Variants in IPO11 observed in about 807,000 individuals in gnomAD.
IPO11 encodes importin-11.
Under a neutral mutation model 143.2 loss-of-function variants are expected in IPO11, and 66 were observed. That is an observed-to-expected ratio of 0.46 (90% CI 0.38 to 0.57). IPO11 has a LOEUF of 0.57. Among genes scored for constraint, IPO11 ranks in the 20% least tolerant of loss-of-function variants. The pLI is 0.00. For synonymous variants in IPO11, 385 were observed against 377.8 expected, an observed-to-expected ratio of 1.02 and a Z score of -0.22; for missense variants, 1,026 against 1,141.0, an observed-to-expected ratio of 0.90 and a Z score of 1.45.
chr5:62,533,492 G>A (rs542746219), intron 22 of IPO11, among the ~76,000 whole-genome samples: 4 of 152,058 alleles, frequency 2.6e-5, no homozygotes, highest in East Asian at 1.9e-4. Flanking sequence ...GATTACAGGC[G>A]TGAGCCACCA....
intron 19 of IPO11, among the ~76,000 whole-genome samples, chr5:62,511,778 T>C (rs1741756229): frequency 6.7e-6 from 1 of 149,422 alleles, no homozygotes; most frequent in Non-Finnish European, 1.5e-5. Flanking sequence ...TTTTAGATTA[T>C]AAAAACTTCC....
At chr5:62,438,748 A>G (rs1378801186) in intron 2 of IPO11, among the ~76,000 whole-genome samples, 3 of 146,480 alleles carry the variant, frequency 2.0e-5, no homozygotes, top group Non-Finnish European at 4.5e-5. Flanking sequence ...ACGAAACTCC[A>G]TCTCAAAAAA....
At chr5:62,444,061 A>T (rs1232011224) in intron 3 of IPO11, among the ~76,000 whole-genome samples, 1 of 151,682 alleles carries the variant, frequency 6.6e-6, no homozygotes, top group Non-Finnish European at 1.5e-5. Context: ...TGCACTTGGG[A>T]TACTATATTA....
chr5:62,489,171 A>G, intron 13 of IPO11, 131 bp from the exon 14 acceptor site: 1 of 480,548 alleles, frequency 2.1e-6, no homozygotes. Flanking sequence ...ACTTGTGTCC[A>G]TTTTTGACAC....
intron 26 of IPO11, among the ~76,000 whole-genome samples, chr5:62,554,921 G>T (rs1413345735): frequency 6.6e-6 from 1 of 152,114 alleles, no homozygotes; most frequent in Non-Finnish European, 1.5e-5. Context: ...CACCATTTTG[G>T]CCAGGCTGGT....
intron 24 of IPO11, 31 bp from the exon 25 acceptor site, chr5:62,550,336 A>T: frequency 6.7e-7 from 1 of 1,487,602 alleles, no homozygotes. Flanking sequence ...GACTTGCAGT[A>T]TTATCACCAA....
At chr5:62,424,383 C>T (rs1358706733) in intron 1 of IPO11, among the ~76,000 whole-genome samples, 1 of 152,050 alleles carries the variant, frequency 6.6e-6, no homozygotes, top group Middle Eastern at 3.4e-3. Context: ...TCGTGATCCG[C>T]CCGCCGGGGC....
At chr5:62,468,957 A>G (rs1404253958) in intron 6 of IPO11, among the ~76,000 whole-genome samples, 2 of 152,230 alleles carry the variant, frequency 1.3e-5, no homozygotes, top group Non-Finnish European at 2.9e-5. Context: ...TCATTATTTC[A>G]TTCGACAAAT....
intron 2 of IPO11, 50 bp from the exon 3 acceptor site, chr5:62,442,933 A>G (rs768857057): frequency 7.8e-6 from 8 of 1,024,202 alleles, no homozygotes; most frequent in South Asian, 7.3e-5. Flanking sequence ...CATTAATTAT[A>G]CTTTTTACTT....
intron 21 of IPO11, among the ~76,000 whole-genome samples, chr5:62,529,842 G>A (rs1345710114): frequency 1.3e-5 from 2 of 152,082 alleles, no homozygotes; most frequent in African/African-American, 4.8e-5. Flanking sequence ...TGAACAGATA[G>A]ACCAATCACA....
intron 29 of IPO11, among the ~76,000 whole-genome samples, chr5:62,614,039 T>A (rs1023605945): frequency 1.3e-5 from 2 of 152,238 alleles, no homozygotes; most frequent in Non-Finnish European, 2.9e-5. Flanking sequence ...TGGTGCAGTT[T>A]TATCTTTATT....
chr5:62,542,069 T>TTTTTTTTA (rs574267715), intron 24 of IPO11, among the ~76,000 whole-genome samples: 1 of 151,734 alleles, frequency 6.6e-6, no homozygotes, highest in African/African-American at 2.4e-5. Context: ...TTTCTTTTTA[T>TTTTTTTTA]TTTTTTTATT....
intron 1 of IPO11, among the ~76,000 whole-genome samples, chr5:62,428,665 G>T (rs576840133): frequency 1.3e-5 from 2 of 151,940 alleles, no homozygotes; most frequent in South Asian, 4.2e-4. Context: ...AAAAAAGATT[G>T]AAAACATTTT....
chr5:62,474,392 A>G (rs1745884974), intron 7 of IPO11, 24 bp from the exon 8 acceptor site: 2 of 1,367,334 alleles, frequency 1.5e-6, no homozygotes, highest in Non-Finnish European at 2.0e-6. Flanking sequence ...AAATTGAGAT[A>G]TTTAAAATAA....
chr5:62,606,709 C>T (rs1046688788), intron 29 of IPO11, among the ~76,000 whole-genome samples: 5 of 152,068 alleles, frequency 3.3e-5, no homozygotes, highest in East Asian at 3.8e-4. Flanking sequence ...TGGTGGCATG[C>T]GCCTGTAGTC....
At chr5:62,459,459 A>G (rs1489313590) in intron 5 of IPO11, among the ~76,000 whole-genome samples, 1 of 152,088 alleles carries the variant, frequency 6.6e-6, no homozygotes, top group Non-Finnish European at 1.5e-5. Flanking sequence ...TGCTTTTGAG[A>G]TAGATCTTGT....
intron 24 of IPO11, among the ~76,000 whole-genome samples, chr5:62,547,836 GT>G (rs1275025784): frequency 6.6e-6 from 1 of 151,914 alleles, no homozygotes; most frequent in Non-Finnish European, 1.5e-5. Flanking sequence ...AAACCCTTTT[GT>G]TTTTAAAATT....
At chr5:62,502,498 T>C (rs1272135029) in intron 16 of IPO11, among the ~76,000 whole-genome samples, 1 of 152,228 alleles carries the variant, frequency 6.6e-6, no homozygotes, top group African/African-American at 2.4e-5. Context: ...TAACTTTCCT[T>C]AAAAGTCTGT....
chr5:62,521,740 T>G (rs897370240), intron 20 of IPO11, among the ~76,000 whole-genome samples: 22 of 152,040 alleles, frequency 1.4e-4, no homozygotes, highest in African/African-American at 5.3e-4. Context: ...CTGCTTTTTT[T>G]TTTCCTCTTT....
Sources: allele counts gnomAD v4.1 joint callset (sites outside exome capture counted in the v4.1 genomes callset), GRCh38; gene constraint gnomAD v4.1.1; transcripts MANE v1.5; gene names NCBI Gene and HGNC (gene_info 2026-07-23, HGNC 2026-07-21).